Variants in PLXNA4 observed in about 807,000 individuals in gnomAD.
PLXNA4 encodes the protein plexin A4.
PLXNA4 carries 44 observed loss-of-function variants against 191.8 expected under a neutral mutation model. That is an observed-to-expected ratio of 0.23 (90% CI 0.18 to 0.29). PLXNA4 has a LOEUF of 0.29. PLXNA4 is among the 10% of genes least tolerant of loss of function. The pLI, the probability that PLXNA4 is intolerant of heterozygous loss-of-function variation, is 1.00. For missense variants in PLXNA4, 1,800 were observed against 2,488.8 expected, an observed-to-expected ratio of 0.72 and a Z score of 5.89; for synonymous variants, 1,082 against 1,009.5, an observed-to-expected ratio of 1.07 and a Z score of -1.36.
At chr7:132,374,456 G>A (rs1215659586) in intron 3 of PLXNA4, among the ~76,000 whole-genome samples, 1 of 152,134 alleles carries the variant, frequency 6.6e-6, no homozygotes, top group African/African-American at 2.4e-5. Context: ...GTTGGGAGAT[G>A]CCAGGCCTAC....
intron 3 of PLXNA4, among the ~76,000 whole-genome samples, chr7:132,375,120 A>G (rs1218756853): frequency 6.6e-6 from 1 of 152,200 alleles, no homozygotes; most frequent in Admixed American, 6.5e-5. Context: ...TCCAAGACAG[A>G]CACTTTAGCT....
chr7:132,620,473 A>C (rs751261591), intron 2 of PLXNA4, among the ~76,000 whole-genome samples: 1 of 152,192 alleles, frequency 6.6e-6, no homozygotes, highest in Admixed American at 6.5e-5. Flanking sequence ...TAACTAGTGC[A>C]TTGAGGATGC....
chr7:132,258,571 T>G (rs1799514410), intron 4 of PLXNA4, among the ~76,000 whole-genome samples: 2 of 152,176 alleles, frequency 1.3e-5, no homozygotes, highest in Admixed American at 6.5e-5. Context: ...GGGGCTGGCC[T>G]TTTCTCTTTT....
intron 3 of PLXNA4, among the ~76,000 whole-genome samples, chr7:132,411,356 C>A (rs1794453028): frequency 6.6e-6 from 1 of 152,208 alleles, no homozygotes; most frequent in Non-Finnish European, 1.5e-5. Flanking sequence ...CCTGGAATCC[C>A]TCATCAGCAG....
At chr7:132,491,799 G>A (rs1797816183) in intron 2 of PLXNA4, among the ~76,000 whole-genome samples, 1 of 152,148 alleles carries the variant, frequency 6.6e-6, no homozygotes, top group Non-Finnish European at 1.5e-5. Context: ...GAGTGTTCAA[G>A]ATTTAGTCTG....
At chr7:132,135,392 A>T (rs372361082) in intron 30 of PLXNA4, among the ~76,000 whole-genome samples, 1 of 151,876 alleles carries the variant, frequency 6.6e-6, no homozygotes, top group East Asian at 1.9e-4. Context: ...AAAAGCAAAG[A>T]CTCCTGTAAT....
chr7:132,641,285 C>G (rs1803738715), intron 2 of PLXNA4, among the ~76,000 whole-genome samples: 1 of 152,212 alleles, frequency 6.6e-6, no homozygotes, highest in African/African-American at 2.4e-5. Context: ...TGTCACAATT[C>G]TGGGGAATGA....
At chr7:132,183,244 T>C (rs1345104151) in intron 16 of PLXNA4, among the ~76,000 whole-genome samples, 1 of 152,188 alleles carries the variant, frequency 6.6e-6, no homozygotes, top group Non-Finnish European at 1.5e-5. Context: ...AGTGTAAGAT[T>C]CCTGTGAAAC....
At chr7:132,321,884 T>A (rs1255195968) in intron 3 of PLXNA4, among the ~76,000 whole-genome samples, 1 of 151,962 alleles carries the variant, frequency 6.6e-6, no homozygotes, top group African/African-American at 2.4e-5. Flanking sequence ...GGAGGGGGCA[T>A]AGGAAGTCCT....
At chr7:132,353,353 T>G (rs1803566370) in intron 3 of PLXNA4, among the ~76,000 whole-genome samples, 1 of 152,152 alleles carries the variant, frequency 6.6e-6, no homozygotes, top group Admixed American at 6.5e-5. Flanking sequence ...GAGGACTAAT[T>G]GTTATGGTAT....
chr7:132,625,640 T>C (rs1261539290), intron 2 of PLXNA4, among the ~76,000 whole-genome samples: 1 of 152,144 alleles, frequency 6.6e-6, no homozygotes. Flanking sequence ...TCCTCATGCA[T>C]TTGGCACATG....
chr7:132,491,636 G>A (rs202072628), intron 2 of PLXNA4, among the ~76,000 whole-genome samples: 28 of 147,496 alleles, frequency 1.9e-4, no homozygotes, highest in South Asian at 2.1e-4. Context: ...TCCCTTAAAA[G>A]AAAAAAAAAA....
At chr7:132,425,031 C>T (rs529027878) in intron 3 of PLXNA4, among the ~76,000 whole-genome samples, 16 of 152,290 alleles carry the variant, frequency 1.1e-4, no homozygotes, top group African/African-American at 3.4e-4. Context: ...CACTGTGCCA[C>T]GTCCCCTTGG....
intron 25 of PLXNA4, among the ~76,000 whole-genome samples, chr7:132,154,594 A>G (rs182316214): frequency 1.3e-5 from 2 of 152,238 alleles, no homozygotes; most frequent in African/African-American, 4.8e-5. Context: ...AGGCAAACGC[A>G]GGCTGAGCCC....
At chr7:132,221,490 C>T (rs1798143657) in intron 9 of PLXNA4, among the ~76,000 whole-genome samples, 1 of 152,188 alleles carries the variant, frequency 6.6e-6, no homozygotes, top group African/African-American at 2.4e-5. Flanking sequence ...ACATCCCTGT[C>T]CCCAGCCTTG....
intron 22 of PLXNA4, 46 bp from the exon 23 acceptor site, chr7:132,165,246 A>C: frequency 1.3e-6 from 2 of 1,597,152 alleles, no homozygotes; most frequent in Admixed American, 1.7e-5. Context: ...ACAAAGAAAG[A>C]AGCAGCTGGT....
At chr7:132,441,641 ACC>A (rs1429378312) in intron 3 of PLXNA4, among the ~76,000 whole-genome samples, 1 of 152,152 alleles carries the variant, frequency 6.6e-6, no homozygotes, top group Non-Finnish European at 1.5e-5. Flanking sequence ...TCTTTTTTAA[ACC>A]CTGCATTCGG....
Position 132,179,722 on chromosome 7 carries a change from T to A in PLXNA4, c.3839A>T (p.Asn1280Ile). ...TLKRLQMQMD[N>I]LESRVALECK... Reference sequence around the variant, plus strand: ...CTCCAGGGCCACACGGGACTCCAGGTTGTCCATCTGCATCTGCAGCCGCTT... The same window carrying A: ...CTCCAGGGCCACACGGGACTCCAGGATGTCCATCTGCATCTGCAGCCGCTT... The change falls in exon 20 of 32, where the codon AAC (asparagine) becomes ATC (isoleucine). Residue 1280 changes from asparagine (N) to isoleucine (I), a missense_variant. Asn to Ile is a moderately radical substitution (Grantham distance 149). This residue lies in a region of PLXNA4 where 1,397 missense variants were observed against 1,880.4 expected (regional missense o/e 0.74). Transcript: ENST00000321063. The A allele has an allele frequency of 6.2e-7, 1 of 1,614,092 alleles. No homozygotes were observed. Among genetic ancestry groups the A allele is most frequent in the Non-Finnish European group, 8.5e-7 (1 of 1,179,948 alleles).
chr7:132,575,657 T>C (rs1242492369), intron 1 of PLXNA4, among the ~76,000 whole-genome samples: 1 of 152,184 alleles, frequency 6.6e-6, no homozygotes, highest in Non-Finnish European at 1.5e-5. Flanking sequence ...AGGCTGTGAA[T>C]AAGGTCTTAC....
Sources: gnomAD v4.1 joint callset for allele counts (sites outside exome capture counted in the v4.1 genomes callset) on GRCh38, gnomAD v4.1.1 for gene constraint, gnomAD v4.1.1 regional missense constraint, MANE v1.5 for transcripts, NCBI Gene and HGNC (gene_info 2026-07-23, HGNC 2026-07-21) for gene names.